Variants in ZNF540 observed in about 807,000 individuals in gnomAD.
ZNF540 encodes the protein zinc finger protein 540.
ZNF540 carries 3 observed loss-of-function variants against 11.8 expected under a neutral mutation model. The ratio of observed to expected loss-of-function variants is 0.25; its 90% CI spans 0.12 to 0.65. The LOEUF is 0.65. ZNF540 is among the 30% of genes least tolerant of loss of function. The probability of loss-of-function intolerance (pLI) is 0.83; values close to 1 mark genes in which losing one functional copy is unlikely to be tolerated. For synonymous variants in ZNF540, 247 were observed against 259.0 expected (o/e 0.95, Z 0.45); for missense variants, 709 against 793.1 (o/e 0.89, Z 1.27).
intron 1 of ZNF540, chr19:37,566,056 G>A (rs1044945224): frequency 3.1e-6 from 5 of 1,613,966 alleles, no homozygotes; most frequent in Non-Finnish European, 4.2e-6. Context: ...AAGTAGAAGA[G>A]GTTGAATGAC....
chr19:37,556,147 G>C (rs778128524), intron 1 of ZNF540: 2 of 702,406 alleles, frequency 2.8e-6, no homozygotes, highest in Non-Finnish European at 2.6e-6. Flanking sequence ...TGCTCTTCGC[G>C]GGTACGGGCT....
intron 1 of ZNF540, among the ~76,000 whole-genome samples, chr19:37,571,254 GGAGGCT>G (rs1373062637): frequency 2.6e-5 from 4 of 152,062 alleles, no homozygotes; most frequent in African/African-American, 9.7e-5. Flanking sequence ...TCCCAGCATG[GGAGGCT>G]GAGGTGGGCA....
intron 1 of ZNF540, among the ~76,000 whole-genome samples, chr19:37,577,717 T>G (rs183833860): frequency 8.5e-5 from 13 of 152,284 alleles, no homozygotes; most frequent in Admixed American, 5.2e-4. Flanking sequence ...CAGTTCAACT[T>G]TAAATTTACT....
At position 37,584,014 on chromosome 19, in the gene ZNF540, G is replaced by A. The variant is rs1177428027; in HGVS notation, c.-72-14362G>A. ...TGTAGTTCTCCAACATCACATCCCT[G>A]TACAAGTCCCTCTGAGCAGGGTCCA... On this transcript the variant is annotated intron_variant, in intron 1 of 4. Transcript: ENST00000592533. The A allele has an allele frequency of 1.7e-5, 27 of 1,613,882 alleles. No individual in the cohort carries two copies. The Admixed American group carries it at 4.5e-4, about 27-fold the overall frequency.
At chr19:37,610,885 G>T (rs1270380218) in intron 4 of ZNF540, 1 of 152,156 alleles carries the variant, frequency 6.6e-6, no homozygotes. Context: ...TACTCCTGTA[G>T]ATTTGGTTCA....
chr19:37,603,114 T>C lies in ZNF540; in HGVS notation c.232+2009T>C, dbSNP rs369160823. ...CCTCCACCTCCCGGGTTCAAGCAAT[T>C]CCCCTGCCTCAGCCTCCTGAGTAGC... is the stretch of plus-strand genomic sequence containing the variant. On this transcript the variant is annotated intron_variant, in intron 4 of 4. Coordinates refer to ENST00000316433, the MANE Select transcript of ZNF540 (RefSeq NM_001172225.3). Among the ~76,000 whole-genome samples, 11 of 149,634 alleles carry C rather than the reference T, an allele frequency of 7.4e-5. No individual in the cohort carries two copies. The East Asian group carries it at 1.7e-3, about 23-fold the overall frequency.
chr19:37,559,193 T>A (rs2042692256), intron 1 of ZNF540, among the ~76,000 whole-genome samples: 1 of 152,226 alleles, frequency 6.6e-6, no homozygotes, highest in African/African-American at 2.4e-5. Context: ...TATTCCATCA[T>A]GGCTCCAACA....
At chr19:37,589,790 G>A (rs1020273744) in intron 1 of ZNF540, among the ~76,000 whole-genome samples, 4 of 144,016 alleles carry the variant, frequency 2.8e-5, no homozygotes, top group Non-Finnish European at 4.5e-5. Flanking sequence ...GCTTGAACCC[G>A]GGAGTTGGAG....
At chr19:37,582,536 C>G (rs1001868756) in intron 1 of ZNF540, among the ~76,000 whole-genome samples, 41 of 152,294 alleles carry the variant, frequency 2.7e-4, no homozygotes, top group African/African-American at 9.6e-4. Flanking sequence ...TAATCTCATT[C>G]AGTTCCTCGG....
At chr19:37,584,225 G>T in intron 1 of ZNF540, 2 of 1,315,272 alleles carry the variant, frequency 1.5e-6, no homozygotes, top group Admixed American at 2.0e-5. Flanking sequence ...TGCCTAAACA[G>T]TAGTATTAAC....
At chr19:37,580,389 C>T (rs1478310313) in intron 1 of ZNF540, among the ~76,000 whole-genome samples, 1 of 152,224 alleles carries the variant, frequency 6.6e-6, no homozygotes, top group Non-Finnish European at 1.5e-5. Flanking sequence ...CAACCTGAGC[C>T]AAAATCCATT....
At chr19:37,609,519 T>G (rs1324231686) in intron 4 of ZNF540, among the ~76,000 whole-genome samples, 1 of 150,388 alleles carries the variant, frequency 6.6e-6, no homozygotes, top group Non-Finnish European at 1.5e-5. Flanking sequence ...TACTCCAGCC[T>G]GGGCGACAGT....
rs768260190 is a variant in ZNF540 at position 37,612,323 on chromosome 19, T to C, written c.1043T>C (p.Ile348Thr). 6.2e-7 allele frequency: 1 copy of C among 1,614,024 alleles called. No individual in the cohort carries two copies. Among genetic ancestry groups the C allele is most frequent in the Non-Finnish European group, 8.5e-7 (1 of 1,179,996 alleles). Residue 348 changes from isoleucine to threonine, a missense_variant, in exon 5 of 5, where the codon ATT (isoleucine) becomes ACT (threonine). Transcript: ENST00000316433. ...VCGQLTRHQK[I>T]HTGVKPYECK... The stretch of plus-strand genomic sequence containing the variant: ...GGACAACTTACCCGTCATCAGAAAA[T>C]TCATACTGGTGTAAAACCCTACGAA...
At chr19:37,604,690 T>G (rs1047427821) in intron 4 of ZNF540, among the ~76,000 whole-genome samples, 4 of 152,164 alleles carry the variant, frequency 2.6e-5, no homozygotes, top group African/African-American at 9.7e-5. Flanking sequence ...TGTTTAATTA[T>G]TTTGGACAAA....
Position 37,607,246 on chromosome 19 carries a change from C to A in ZNF540, c.233-4267C>A, listed in dbSNP as rs113963883. ...TACTCTCTGTCCCCAAACATACACACCCTCCCCAACTACCAACAATCCACA... is the reference window on the plus strand; with the variant it reads ...TACTCTCTGTCCCCAAACATACACAACCTCCCCAACTACCAACAATCCACA... On this transcript the variant is annotated intron_variant, in intron 4 of 4. Coordinates refer to ENST00000316433, the MANE Select transcript of ZNF540 (RefSeq NM_001172225.3). Among the ~76,000 whole-genome samples, 691 of 152,210 alleles carry A rather than the reference C, an allele frequency of 4.5e-3. 4 individuals are homozygous for A. The highest frequency in any genetic ancestry group is 0.016 in the African/African-American group (669 of 41,524).
chr19:37,573,782 G>A (rs369709569), intron 1 of ZNF540, among the ~76,000 whole-genome samples: 12 of 150,320 alleles, frequency 8.0e-5, no homozygotes, highest in Middle Eastern at 3.4e-3. Flanking sequence ...GCAGTGAGCC[G>A]TGACTGTGCC....
chr19:37,552,871 CG>C (rs1568333104), intron 1 of ZNF540, among the ~76,000 whole-genome samples: 1 of 151,952 alleles, frequency 6.6e-6, no homozygotes, highest in African/African-American at 2.4e-5. Flanking sequence ...GACTTGAACT[CG>C]GGAGGTAGAG....
intron 4 of ZNF540, among the ~76,000 whole-genome samples, chr19:37,601,356 A>G (rs2044038474): frequency 6.6e-6 from 1 of 152,204 alleles, no homozygotes; most frequent in African/African-American, 2.4e-5. Flanking sequence ...CCATTTCAGT[A>G]AAGGGAATGC....
At chr19:37,605,654 AAAAG>A (rs1405824511) in intron 4 of ZNF540, among the ~76,000 whole-genome samples, 2 of 152,276 alleles carry the variant, frequency 1.3e-5, no homozygotes, top group East Asian at 1.9e-4. Context: ...TGTCGCAAAA[AAAAG>A]AAAGAAACTG....
Sources: gnomAD v4.1 joint callset for allele counts (sites outside exome capture counted in the v4.1 genomes callset) on GRCh38, gnomAD v4.1.1 for gene constraint, MANE v1.5 for transcripts, NCBI Gene and HGNC (gene_info 2026-07-23, HGNC 2026-07-21) for gene names.